MGAT4D: variants seen among roughly 807,000 people sequenced by gnomAD.
The protein encoded by MGAT4D is MGAT4 family member D.
A neutral mutation model predicts 15.9 loss-of-function variants in MGAT4D; 34 were observed. That is an observed-to-expected ratio of 2.14 (90% CI 1.62 to 2.84). The LOEUF (loss-of-function observed/expected upper bound fraction) is 2.84. Ranked by LOEUF, MGAT4D falls within the 30% of genes most tolerant of loss-of-function variation. MGAT4D has a pLI of 0.00. For missense variants in MGAT4D, 327 were observed against 140.2 expected, an observed-to-expected ratio of 2.33 and a Z score of -6.73; for synonymous variants, 112 against 48.2, an observed-to-expected ratio of 2.33 and a Z score of -5.49.
intron 7 of MGAT4D, among the ~76,000 whole-genome samples, chr4:140,461,261 T>G (rs755500552): frequency 3.3e-5 from 5 of 152,150 alleles, no homozygotes; most frequent in Non-Finnish European, 5.9e-5. Flanking sequence ...AGAGACCTTT[T>G]TTTTCTTCCA....
At chr4:140,489,366 G>A (rs1225153098) in intron 1 of MGAT4D, among the ~76,000 whole-genome samples, 1 of 152,016 alleles carries the variant, frequency 6.6e-6, no homozygotes, top group African/African-American at 2.4e-5. Flanking sequence ...TTTTATTGCA[G>A]AATATATTAG....
chr4:140,491,297 C>G (rs1471738455), intron 1 of MGAT4D, among the ~76,000 whole-genome samples: 1 of 152,122 alleles, frequency 6.6e-6, no homozygotes, highest in Non-Finnish European at 1.5e-5. Context: ...AACACTCCCC[C>G]AACTGGATGG....
intron 10 of MGAT4D, among the ~76,000 whole-genome samples, chr4:140,451,009 A>G (rs1341234872): frequency 6.6e-6 from 1 of 152,208 alleles, no homozygotes; most frequent in Non-Finnish European, 1.5e-5. Context: ...CAAAACGAAC[A>G]GTGGTCTGAA....
At chr4:140,446,869 C>T (rs1730169698) in intron 10 of MGAT4D, among the ~76,000 whole-genome samples, 1 of 146,522 alleles carries the variant, frequency 6.8e-6, no homozygotes, top group Admixed American at 7.1e-5. Context: ...CTTAACACTG[C>T]CTTAGCTGTG....
intron 1 of MGAT4D, among the ~76,000 whole-genome samples, chr4:140,489,399 C>G (rs1422133188): frequency 1.3e-5 from 2 of 151,996 alleles, no homozygotes; most frequent in African/African-American, 4.8e-5. Context: ...GTATATAAGA[C>G]AGTTTAAAGG....
In MGAT4D at chr4:140,451,490, T is replaced by C. The variant is rs1356489841; in HGVS notation, c.1036A>G (p.Ile346Val). ...LRNCMKRKKQ[I>V]RIQYKPSLFQ... ...AGAGAAGGTTTATACTGAATACGTA[T>C]TTGCTTCTTTCGTTTCATACAGTTT... The change falls in exon 10 of 11, where the codon ATA becomes GTA. Residue 346 changes from isoleucine to valine, a missense_variant. Physicochemically the swap from Ile to Val is conservative, Grantham distance 29. Transcript: ENST00000511113. The C allele has an allele frequency of 3.4e-6, 2 of 588,402 alleles. No homozygotes were observed. Among genetic ancestry groups the C allele is most frequent in the East Asian group, 5.9e-5 (2 of 33,844 alleles). 36.4% of individuals were successfully genotyped at this position (588,402 alleles called of 1,614,324 possible).
intron 1 of MGAT4D, among the ~76,000 whole-genome samples, chr4:140,492,229 C>T (rs1270197725): frequency 6.6e-6 from 1 of 152,066 alleles, no homozygotes; most frequent in Non-Finnish European, 1.5e-5. Context: ...TTGGAGGATG[C>T]ACCACTGTGT....
intron 9 of MGAT4D, among the ~76,000 whole-genome samples, chr4:140,453,509 T>A (rs965325756): frequency 4.6e-5 from 7 of 152,066 alleles, no homozygotes; most frequent in African/African-American, 7.2e-5. Context: ...TAATGTTTTT[T>A]AAATATTGTA....
At position 140,487,975 on chromosome 4, in the gene MGAT4D, C is replaced by A. The variant is rs77281685; in HGVS notation, c.95-5490G>T. ...AGATTGTGCATTTTAATAAGATTCCCAGTTGACTACTATGCACATTAAAAT... is the reference window on the plus strand; with the variant it reads ...AGATTGTGCATTTTAATAAGATTCCAAGTTGACTACTATGCACATTAAAAT... On this transcript the variant is annotated intron_variant, in intron 1 of 10. Coordinates refer to ENST00000511113, the MANE Select transcript of MGAT4D (RefSeq NM_001277353.2). Among the ~76,000 whole-genome samples the A allele has an allele frequency of 3.6e-3, 554 of 152,262 alleles. 2 individuals are homozygous for A. Among genetic ancestry groups the A allele is most frequent in the Middle Eastern group, 0.01 (3 of 294 alleles).
At chr4:140,485,550 A>G (rs544951227) in intron 1 of MGAT4D, among the ~76,000 whole-genome samples, 2 of 151,922 alleles carry the variant, frequency 1.3e-5, no homozygotes, top group Admixed American at 6.6e-5. Flanking sequence ...TTAAAAGTAT[A>G]ATAATAATTA....
chr4:140,480,231 T>C (rs763362658), intron 2 of MGAT4D, among the ~76,000 whole-genome samples: 122 of 152,118 alleles, frequency 8.0e-4, no homozygotes, highest in Non-Finnish European at 2.6e-4. Context: ...GCAAAGGTAA[T>C]TGAATGCAGA....
chr4:140,487,101 A>C (rs1733189476), intron 1 of MGAT4D, among the ~76,000 whole-genome samples: 1 of 152,224 alleles, frequency 6.6e-6, no homozygotes, highest in Admixed American at 6.5e-5. Context: ...AAAGGACATA[A>C]TCTCTAATCT....
chr4:140,487,633 G>A (rs554381755), intron 1 of MGAT4D, among the ~76,000 whole-genome samples: 22 of 151,928 alleles, frequency 1.4e-4, no homozygotes, highest in African/African-American at 3.9e-4. Context: ...TAAATCCTGC[G>A]TGTATTTTAC....
At chr4:140,459,141 C>T (rs1417094825) in intron 8 of MGAT4D, 1 of 152,710 alleles carries the variant, frequency 6.5e-6, no homozygotes, top group Non-Finnish European at 1.5e-5. Context: ...AGTTAAAGTC[C>T]CTTTCTCTAC....
Position 140,456,612 on chromosome 4 carries a change from C to T in MGAT4D, c.985G>A (p.Val329Met), listed in dbSNP as rs1231708095. The T allele has an allele frequency of 1.4e-6, 1 of 690,978 alleles. No individual in the cohort carries two copies. Among genetic ancestry groups the T allele is most frequent in the Non-Finnish European group, 2.6e-6 (1 of 379,460 alleles). The allele number at this position is 690,978 out of a possible 1,614,324, so 42.8% of individuals were successfully genotyped here. A position where few individuals can be genotyped will look rare whatever the true frequency, so the allele number is the denominator to read the frequency against. The change falls in exon 9 of 11, where the codon GTG becomes ATG. Residue 329 changes from valine to methionine, a missense_variant. Physicochemically the swap from Val to Met is conservative, Grantham distance 21 (BLOSUM62 1). Transcript: ENST00000511113. ...WLLNDIFQVKVCDAGEDLRNC... is the reference protein window; with the variant it reads ...WLLNDIFQVKMCDAGEDLRNC... ...ACAAGATCTTCTCCTGCGTCACACA[C>T]CTTTACCTGAAAAATGTCATTCAAG...
intron 5 of MGAT4D, among the ~76,000 whole-genome samples, chr4:140,467,102 G>C (rs973493244): frequency 1.3e-5 from 2 of 152,018 alleles, no homozygotes; most frequent in African/African-American, 4.8e-5. Flanking sequence ...AAAGTTTTTG[G>C]TCATTTATTT....
chr4:140,450,067 A>C (rs1485763174), intron 10 of MGAT4D: 2 of 343,092 alleles, frequency 5.8e-6, no homozygotes, highest in East Asian at 8.5e-5. Flanking sequence ...ATTTCCAAAG[A>C]ATGATTTTGA....
At position 140,450,343 on chromosome 4, in the gene MGAT4D, C is replaced by T. The variant is rs187987700; in HGVS notation, c.1116+1067G>A. Among the ~76,000 whole-genome samples, 4 of 152,160 alleles carry T rather than the reference C, an allele frequency of 2.6e-5. No homozygotes were observed. The East Asian group carries it at 7.7e-4, about 29-fold the overall frequency. Reference sequence around the variant, plus strand: ...GCCAAAAAATATAATGAAAGAATCCCGTTATAATAGCATCAAAAAAGAGAA... The same window carrying T: ...GCCAAAAAATATAATGAAAGAATCCTGTTATAATAGCATCAAAAAAGAGAA... On this transcript the variant is annotated intron_variant, in intron 10 of 10. Transcript: ENST00000511113.
In MGAT4D at chr4:140,451,533, C is replaced by A. The variant is rs1730473922; in HGVS notation, c.1009-16G>T. The A allele has an allele frequency of 1.9e-6, 1 of 514,004 alleles. No homozygotes were observed. Among genetic ancestry groups the A allele is most frequent in the East Asian group, 3.2e-5 (1 of 31,386 alleles). The allele number at this position is 514,004 out of a possible 1,614,324, so 31.8% of individuals were successfully genotyped here. On this transcript the variant is annotated splice_polypyrimidine_tract_variant and intron_variant, in intron 9 of 10. Coordinates refer to ENST00000511113, the MANE Select transcript of MGAT4D (RefSeq NM_001277353.2). ...TACAGTTTCTCTGGGGAAAAAGAAA[C>A]AACAATCTTCTGTAAAAACCCAGGT...
Sources: allele counts gnomAD v4.1 joint callset (sites outside exome capture counted in the v4.1 genomes callset), GRCh38; gene constraint gnomAD v4.1.1; transcripts MANE v1.5; gene names NCBI Gene and HGNC (gene_info 2026-07-23, HGNC 2026-07-21).